The following TUT4 variants were observed in gnomAD, a reference collection of about 807,000 sequenced individuals.
TUT4 encodes terminal uridylyltransferase 4.
TUT4 carries 36 observed loss-of-function variants against 192.2 expected under a neutral mutation model. The observed-to-expected ratio is 0.19, with a 90% CI of 0.14 to 0.25. TUT4 has a LOEUF of 0.25. Ranked by LOEUF, TUT4 falls within the 10% of genes least tolerant of loss-of-function variation. The pLI is 1.00. For missense variants in TUT4, 1,493 were observed against 1,957.2 expected (o/e 0.76, Z 4.47); for synonymous variants, 618 against 666.0 (o/e 0.93, Z 1.11).
chr1:52,459,173 C>T (rs1661793139), intron 19 of TUT4, among the ~76,000 whole-genome samples: 2 of 151,934 alleles, frequency 1.3e-5, no homozygotes, highest in African/African-American at 4.8e-5. Flanking sequence ...GTAGTCCCAG[C>T]TACTCGGGAG....
chr1:52,441,305 A>G (rs1339660348), intron 24 of TUT4, among the ~76,000 whole-genome samples: 1 of 143,386 alleles, frequency 7.0e-6, no homozygotes, highest in African/African-American at 2.6e-5. Context: ...TTTTTTTGAG[A>G]CAGAGTGTCG....
intron 3 of TUT4, among the ~76,000 whole-genome samples, chr1:52,510,747 T>C (rs1248494793): frequency 6.6e-6 from 1 of 152,194 alleles, no homozygotes; most frequent in Non-Finnish European, 1.5e-5. Flanking sequence ...AATCATCTGA[T>C]TAAATTGACA....
chr1:52,496,514 T>C (rs1387019372), intron 5 of TUT4, among the ~76,000 whole-genome samples: 1 of 152,248 alleles, frequency 6.6e-6, no homozygotes, highest in African/African-American at 2.4e-5. Flanking sequence ...TTTAACCCTA[T>C]ACTGATGCAA....
intron 1 of TUT4, among the ~76,000 whole-genome samples, chr1:52,537,952 C>G (rs537235080): frequency 6.6e-6 from 1 of 152,016 alleles, no homozygotes; most frequent in Non-Finnish European, 1.5e-5. Context: ...ACTAATTAGA[C>G]TGGCTGGGCA....
Position 52,489,053 on chromosome 1 carries a change from A to G in TUT4, c.1389-18T>C. The G allele has an allele frequency of 6.2e-7, 1 of 1,602,598 alleles. No individual in the cohort carries two copies. The highest frequency in any genetic ancestry group is 8.5e-7 in the Non-Finnish European group (1 of 1,176,616). ...GTAAACCACTGTGAATGAGAAAGAA[A>G]CAAATTTCATTGTATTAATACCCTT... On this transcript the variant is annotated intron_variant, in intron 8 of 29. Coordinates refer to ENST00000257177, the MANE Select transcript of TUT4 (RefSeq NM_001009881.3).
intron 19 of TUT4, among the ~76,000 whole-genome samples, chr1:52,459,927 G>C (rs1028285246): frequency 6.6e-6 from 1 of 151,968 alleles, no homozygotes; most frequent in African/African-American, 2.4e-5. Flanking sequence ...TATAGGGGAG[G>C]GGGGAGAGGA....
At chr1:52,537,959 G>C (rs1347496551) in intron 1 of TUT4, among the ~76,000 whole-genome samples, 1 of 151,042 alleles carries the variant, frequency 6.6e-6, no homozygotes, top group African/African-American at 2.4e-5. Flanking sequence ...AGACTGGCTG[G>C]GCATGGCGGC....
chr1:52,428,190 T>C (rs1167495297), intron 28 of TUT4, among the ~76,000 whole-genome samples: 2 of 152,102 alleles, frequency 1.3e-5, no homozygotes, highest in East Asian at 1.9e-4. Flanking sequence ...AAATCGATAA[T>C]AGGAATACTT....
chr1:52,516,156 T>G, intron 2 of TUT4, 102 bp from the exon 3 acceptor site: 1 of 925,330 alleles, frequency 1.1e-6, no homozygotes, highest in Non-Finnish European at 1.6e-6. Context: ...AAAATATTAT[T>G]TCCTTATATT....
chr1:52,551,936 A>T (rs184803058), intron 1 of TUT4, among the ~76,000 whole-genome samples: 6 of 152,290 alleles, frequency 3.9e-5, no homozygotes, highest in Admixed American at 3.9e-4. Context: ...CATCTGATCC[A>T]CTCGGGCTAA....
intron 2 of TUT4, among the ~76,000 whole-genome samples, chr1:52,522,797 G>A (rs980668254): frequency 5.9e-5 from 9 of 151,686 alleles, no homozygotes; most frequent in Non-Finnish European, 1.0e-4. Context: ...GTGGTGGCAG[G>A]CGCCTACAGT....
chr1:52,446,007 A>G lies in TUT4; in HGVS notation c.3692-3T>C. On this transcript the variant is annotated splice_region_variant and splice_polypyrimidine_tract_variant and intron_variant, in intron 22 of 29. Coordinates refer to ENST00000257177, the MANE Select transcript of TUT4 (RefSeq NM_001009881.3). ...GTTATGATTCAAGTCAAAAGGGTCT[A>G]CAAAAGAAATATATCAATGATTAAG... The G allele has an allele frequency of 6.2e-7, 1 of 1,600,874 alleles. No homozygotes were observed. Among genetic ancestry groups the G allele is most frequent in the Non-Finnish European group, 8.5e-7 (1 of 1,176,316 alleles).
At chr1:52,510,628 G>A (rs116208507) in intron 3 of TUT4, among the ~76,000 whole-genome samples, 1 of 152,264 alleles carries the variant, frequency 6.6e-6, no homozygotes, top group Non-Finnish European at 1.5e-5. Flanking sequence ...CTCATACTTC[G>A]TGTATGTATT....
chr1:52,499,108 A>G lies in TUT4; in HGVS notation c.1000-1925T>C, dbSNP rs192931254. Among the ~76,000 whole-genome samples, 437 of 151,564 alleles carry G rather than the reference A, an allele frequency of 2.9e-3. 2 individuals carry two copies. The highest frequency in any genetic ancestry group is 0.01 in the African/African-American group (416 of 41,326). On this transcript the variant is annotated intron_variant, in intron 4 of 29. Coordinates refer to ENST00000257177, the MANE Select transcript of TUT4 (RefSeq NM_001009881.3). Reference sequence around the variant, plus strand: ...ACGTACTACAAAGCTATAGTAATCAAAACAACATGGCCAGGTCAGGTAGCC... The same window carrying G: ...ACGTACTACAAAGCTATAGTAATCAGAACAACATGGCCAGGTCAGGTAGCC...
Position 52,524,441 on chromosome 1 carries a change from G to A in TUT4, c.718+1122C>T, listed in dbSNP as rs139464174. On this transcript the variant is annotated intron_variant, in intron 2 of 29. Coordinates refer to ENST00000257177, the MANE Select transcript of TUT4 (RefSeq NM_001009881.3). ...GGAGAGGCTGAGGCAGGAGAATGGC[G>A]TGAACCCGGGAGGGGGAGCTCGCAG... 9.8e-3 allele frequency among the ~76,000 whole-genome samples: 1,493 copies of A among 151,928 alleles called. 12 individuals are homozygous for A. The highest frequency in any genetic ancestry group is 0.016 in the Non-Finnish European group (1,083 of 67,960).
At chr1:52,504,346 T>C (rs1011266982) in intron 4 of TUT4, among the ~76,000 whole-genome samples, 6 of 152,018 alleles carry the variant, frequency 3.9e-5, no homozygotes, top group East Asian at 1.9e-4. Context: ...AAAATACATG[T>C]TATGGCCAGG....
In TUT4 at chr1:52,475,200, C is replaced by T; in HGVS notation, c.2359G>A (p.Glu787Lys). The change falls in exon 13 of 30, where the codon GAA becomes AAA. Residue 787 changes from glutamate (E) to lysine (K), a missense_variant. Transcript: ENST00000257177. ...IIDNNNLLVN[E>K]LDFADHGQDS... Reference sequence around the variant, plus strand: ...TGTCCGTGGTCAGCAAAATCTAGTTCATTTACCAACAAATTGTTGTTGTCA... The same window carrying T: ...TGTCCGTGGTCAGCAAAATCTAGTTTATTTACCAACAAATTGTTGTTGTCA... 1 of 1,614,114 alleles carries T rather than the reference C, an allele frequency of 6.2e-7. No individual in the cohort carries two copies. Among genetic ancestry groups the T allele is most frequent in the Non-Finnish European group, 8.5e-7 (1 of 1,180,022 alleles).
intron 9 of TUT4, among the ~76,000 whole-genome samples, chr1:52,488,231 G>A (rs1163100359): frequency 1.3e-5 from 2 of 152,194 alleles, no homozygotes; most frequent in East Asian, 3.9e-4. Context: ...AGTTTTCTTT[G>A]TATATGACTG....
chr1:52,529,190 A>C (rs991869525), intron 1 of TUT4, among the ~76,000 whole-genome samples: 2 of 152,146 alleles, frequency 1.3e-5, no homozygotes, highest in African/African-American at 2.4e-5. Flanking sequence ...ATATTTAAAA[A>C]TTTTTTAATT....
Sources: gnomAD v4.1 joint callset for allele counts (sites outside exome capture counted in the v4.1 genomes callset) on GRCh38, gnomAD v4.1.1 for gene constraint, MANE v1.5 for transcripts, NCBI Gene and HGNC (gene_info 2026-07-23, HGNC 2026-07-21) for gene names.